HELZ: variants seen among roughly 807,000 people sequenced by gnomAD.
The protein encoded by HELZ is helicase with zinc finger, also known as ATP-dependent RNA helicase with zinc finger domain.
In HELZ, 23 loss-of-function variants were observed where a neutral mutation model predicts 218.2. The ratio of observed to expected loss-of-function variants is 0.11; its 90% CI spans 0.08 to 0.15. The LOEUF (loss-of-function observed/expected upper bound fraction) is 0.15. Ranked by LOEUF, HELZ falls within the 10% of genes least tolerant of loss-of-function variation. The probability of loss-of-function intolerance (pLI) is 1.00; values close to 1 mark genes in which losing one functional copy is unlikely to be tolerated. For synonymous variants in HELZ, 814 were observed against 829.4 expected (o/e 0.98, Z 0.32); for missense variants, 1,813 against 2,353.7 (o/e 0.77, Z 4.75).
intron 3 of HELZ, among the ~76,000 whole-genome samples, chr17:67,223,091 CAAAA>C (rs1170812696): frequency 3.8e-4 from 36 of 95,156 alleles, no homozygotes; most frequent in African/African-American, 1.3e-3. Context: ...ACTAAAAATA[CAAAA>C]AAAAAAAAAA....
intron 17 of HELZ, 142 bp downstream of exon 17, chr17:67,160,119 C>G: frequency 1.7e-6 from 1 of 582,314 alleles, no homozygotes; most frequent in African/African-American, 1.9e-5. Context: ...TTAATTTAAA[C>G]AGTTTCTTCA....
In HELZ at chr17:67,148,630, C is replaced by T. The variant is rs753838821; in HGVS notation, c.2560G>A (p.Ala854Thr). The change falls in exon 20 of 33, where the codon GCT (alanine) becomes ACT (threonine). Residue 854 changes from alanine (A) to threonine (T), a missense_variant. Ala to Thr is a moderately conservative substitution (Grantham distance 58). Around this residue, in one of 4 missense-constraint regions of HELZ, gnomAD observed 714 missense variants for 1,029.2 expected, o/e 0.69. Coordinates refer to ENST00000358691, the MANE Select transcript of HELZ (RefSeq NM_014877.4). The stretch of plus-strand genomic sequence containing the variant: ...AGGAGAATCCTACATGGGAACTCAG[C>T]AGGGTAATGCTCATAGAGTCGGTCA... ...LLDRLYEHYP[A>T]EFPCRILLCE... is the part of the protein sequence containing the mutation. 6.2e-7 allele frequency: 1 copy of T among 1,613,688 alleles called. No homozygotes were observed. The highest frequency in any genetic ancestry group is 8.5e-7 in the Non-Finnish European group (1 of 1,179,746).
At chr17:67,220,362 A>C (rs2040712505) in intron 3 of HELZ, among the ~76,000 whole-genome samples, 1 of 152,220 alleles carries the variant, frequency 6.6e-6, no homozygotes, top group Non-Finnish European at 1.5e-5. Flanking sequence ...TAGCTAGGGA[A>C]TGAGATAAGG....
intron 13 of HELZ, among the ~76,000 whole-genome samples, chr17:67,170,445 C>T (rs986373334): frequency 6.6e-6 from 1 of 151,986 alleles, no homozygotes; most frequent in Non-Finnish European, 1.5e-5. Context: ...AACCAGGAGG[C>T]GGAGGTTGCA....
In HELZ at chr17:67,188,743, A is replaced by G. The variant is rs2039822481; in HGVS notation, c.865-127T>C. ...CCCAAGCTTCTAAGATACTATAGCCATTTAAGAAAAAAATCAGAATGGTTT... is the reference window on the plus strand; with the variant it reads ...CCCAAGCTTCTAAGATACTATAGCCGTTTAAGAAAAAAATCAGAATGGTTT... On this transcript the variant is annotated intron_variant, in intron 11 of 32. Coordinates refer to ENST00000358691, the MANE Select transcript of HELZ (RefSeq NM_014877.4). This position sits in a 1 kb window ranked among gnomAD's most constrained non-coding sequence, Gnocchi z 4.1. 2 of 681,882 alleles carry G rather than the reference A, an allele frequency of 2.9e-6. No individual in the cohort carries two copies. The highest frequency in any genetic ancestry group is 4.8e-6 in the Non-Finnish European group (2 of 416,354). 42.2% of individuals were successfully genotyped at this position (681,882 alleles called of 1,614,324 possible).
intron 23 of HELZ, among the ~76,000 whole-genome samples, chr17:67,129,872 T>C (rs913073925): frequency 4.6e-5 from 7 of 152,096 alleles, no homozygotes; most frequent in African/African-American, 1.7e-4. Context: ...CATACCTATG[T>C]TTAATATGAG....
At chr17:67,203,613 A>G (rs575460857) in intron 5 of HELZ, among the ~76,000 whole-genome samples, 170 bp from the exon 6 acceptor site, 6 of 152,260 alleles carry the variant, frequency 3.9e-5, no homozygotes, top group Non-Finnish European at 8.8e-5. Context: ...ACAGGCATAT[A>G]AGAACAAGAA....
Position 67,073,488 on chromosome 17 carries a change from T to C in HELZ, c.*4764A>G, listed in dbSNP as rs1289041321. 1 of 152,468 alleles carries C rather than the reference T, an allele frequency of 6.6e-6. No individual in the cohort carries two copies. The highest frequency in any genetic ancestry group is 2.4e-5 in the African/African-American group (1 of 41,462). 9.4% of individuals were successfully genotyped at this position (152,468 alleles called of 1,614,324 possible). On this transcript the variant is annotated 3_prime_UTR_variant, in exon 33 of 33. Transcript: ENST00000358691. ...GGTCTAATACTCTGATAACTGAAAC[T>C]ATATGAATGTCTCTGGGTTTTCTTA...
At chr17:67,160,438 A>C (rs1387938909) in intron 16 of HELZ, 76 bp from the exon 17 acceptor site, 29 of 934,878 alleles carry the variant, frequency 3.1e-5, no homozygotes, top group East Asian at 2.0e-4. Flanking sequence ...CCAAAAAAAA[A>C]AGCAGTGGCC....
chr17:67,084,757 TATCACTGATTTGTAATGTAGATG>T (rs2036311780), intron 32 of HELZ, among the ~76,000 whole-genome samples: 1 of 152,180 alleles, frequency 6.6e-6, no homozygotes, highest in Non-Finnish European at 1.5e-5. Flanking sequence ...AACAAATTAT[TATCACTGATTTGTAATGTAGATG>T]TTTGCCAGGA....
rs531148388 is a variant in HELZ, at chr17:67,132,297, T to C, written c.3183-3442A>G. On this transcript the variant is annotated intron_variant, in intron 23 of 32. Transcript: ENST00000358691. Reference sequence around the variant, plus strand: ...ACATACATGAAATATGTTTATATTTTACAGAGTAAATAAAATGTGCTAAAT... The same window carrying C: ...ACATACATGAAATATGTTTATATTTCACAGAGTAAATAAAATGTGCTAAAT... 2.0e-5 allele frequency among the ~76,000 whole-genome samples: 3 copies of C among 152,286 alleles called. No homozygotes were observed. The South Asian group carries it at 6.2e-4, about 32-fold the overall frequency.
rs186721228 is a variant in HELZ at position 67,148,475 on chromosome 17, G to T, written c.2621+94C>A. 5.4e-4 allele frequency: 541 copies of T among 1,010,062 alleles called. 1 individual carries two copies. Among genetic ancestry groups the T allele is most frequent in the Non-Finnish European group, 7.2e-4 (496 of 686,170 alleles). The allele number at this position is 1,010,062 out of a possible 1,614,324, so 62.6% of individuals were successfully genotyped here. On this transcript the variant is annotated intron_variant, in intron 20 of 32. Transcript: ENST00000358691. Reference sequence around the variant, plus strand: ...CTAGGGACACTATGTAAGTGTGTTGGGAATCATCTGTCCCTAGCAGCAGTG... The same window carrying T: ...CTAGGGACACTATGTAAGTGTGTTGTGAATCATCTGTCCCTAGCAGCAGTG...
At chr17:67,166,681 T>C (rs2144146737) in intron 14 of HELZ, 73 bp from the exon 15 acceptor site, 2 of 1,347,114 alleles carry the variant, frequency 1.5e-6, no homozygotes, top group Non-Finnish European at 2.1e-6. Flanking sequence ...CTAGAATACT[T>C]TGGGAGGAAT....
chr17:67,226,699 T>C (rs539946194), intron 3 of HELZ, among the ~76,000 whole-genome samples: 112 of 152,182 alleles, frequency 7.4e-4, no homozygotes, highest in African/African-American at 2.6e-3. Context: ...TGAACACAAA[T>C]GTTCATAACA....
At chr17:67,089,710 C>CAGAGAGACAG (rs2036519650) in intron 31 of HELZ, among the ~76,000 whole-genome samples, 6 of 80,576 alleles carry the variant, frequency 7.4e-5, no homozygotes, top group African/African-American at 3.1e-4. Flanking sequence ...GACAGAGAGA[C>CAGAGAGACAG]AGAGAGAGAG....
At chr17:67,128,929 G>A (rs2037888520) in intron 23 of HELZ, 74 bp from the exon 24 acceptor site, 1 of 1,161,708 alleles carries the variant, frequency 8.6e-7, no homozygotes. Flanking sequence ...AATAACTAAA[G>A]ATAATCTCAA....
At chr17:67,182,171 G>A (rs1205765633) in intron 12 of HELZ, among the ~76,000 whole-genome samples, 1 of 152,242 alleles carries the variant, frequency 6.6e-6, no homozygotes, top group East Asian at 1.9e-4. Context: ...GCCAGGCGCA[G>A]TGGCTCATGC....
intron 19 of HELZ, 109 bp from the exon 20 acceptor site, chr17:67,148,823 A>G: frequency 1.1e-6 from 1 of 952,304 alleles, no homozygotes; most frequent in Non-Finnish European, 1.6e-6. Context: ...ACAAAACTTC[A>G]ACATGCTAAA....
chr17:67,083,426 G>A (rs1460214519), intron 32 of HELZ, among the ~76,000 whole-genome samples: 1 of 152,278 alleles, frequency 6.6e-6, no homozygotes, highest in East Asian at 1.9e-4. Context: ...CAGATCATGA[G>A]GTCAGGAGTT....
Sources: allele counts gnomAD v4.1 joint callset (sites outside exome capture counted in the v4.1 genomes callset), GRCh38; gene constraint gnomAD v4.1.1; regional missense constraint gnomAD v4.1.1; non-coding constraint Gnocchi (gnomAD v3.1); transcripts MANE v1.5; gene names NCBI Gene and HGNC (gene_info 2026-07-23, HGNC 2026-07-21).